Variants in IBTK observed in about 807,000 individuals in gnomAD.
IBTK encodes the protein BTK-binding protein.
IBTK carries 83 observed loss-of-function variants against 154.9 expected under a neutral mutation model. That is an observed-to-expected ratio of 0.54 (90% CI 0.45 to 0.64). The LOEUF (loss-of-function observed/expected upper bound fraction) is 0.64, where lower values mean the gene tolerates loss of function less well. Ranked by LOEUF, IBTK falls within the 30% of genes least tolerant of loss-of-function variation. IBTK has a pLI of 0.00. For missense variants in IBTK, 1,332 were observed against 1,584.6 expected (o/e 0.84, Z 2.71); for synonymous variants, 515 against 536.1 (o/e 0.96, Z 0.54).
In IBTK at chr6:82,243,873, T is replaced by C. The variant is rs192767488; in HGVS notation, c.-357-3030A>G. 5.3e-5 allele frequency among the ~76,000 whole-genome samples: 8 copies of C among 152,262 alleles called. No homozygotes were observed. In the East Asian group the frequency reaches 1.5e-3, roughly 29 times the overall value. Reference sequence around the variant, plus strand: ...AGAAAAGAATTCCCTAATTCATTAGTATATATAATGTAAACATTTAAAGGG... The same window carrying C: ...AGAAAAGAATTCCCTAATTCATTAGCATATATAATGTAAACATTTAAAGGG... On this transcript the variant is annotated intron_variant, in intron 1 of 28. Coordinates refer to ENST00000306270, the MANE Select transcript of IBTK (RefSeq NM_015525.4).
chr6:82,239,302 G>A (rs1383573205), intron 2 of IBTK, among the ~76,000 whole-genome samples: 1 of 151,670 alleles, frequency 6.6e-6, no homozygotes, highest in African/African-American at 2.4e-5. Context: ...AATTAGCCAG[G>A]CGTGGTGGTG....
chr6:82,194,780 A>G (rs1768918563), intron 22 of IBTK, 138 bp from the exon 23 acceptor site: 1 of 550,486 alleles, frequency 1.8e-6, no homozygotes, highest in Non-Finnish European at 2.8e-6. Context: ...GTATTTTCAA[A>G]TCATGTTCTT....
rs1036010052 is a variant in IBTK, at chr6:82,245,143, A to G, written c.-358+2419T>C. On this transcript the variant is annotated intron_variant, in intron 1 of 28. Transcript: ENST00000306270. ...TTTTATTTAGGCAAGTAACTAAAACATATCATAATTATAAACCTATGGTCA... is the reference window on the plus strand; with the variant it reads ...TTTTATTTAGGCAAGTAACTAAAACGTATCATAATTATAAACCTATGGTCA... Among the ~76,000 whole-genome samples the G allele has an allele frequency of 4.6e-5, 7 of 152,222 alleles. No homozygotes were observed. In the South Asian group the frequency reaches 6.2e-4, roughly 14 times the overall value.
In IBTK at chr6:82,240,603, G is replaced by T; in HGVS notation, c.-117C>A. The T allele has an allele frequency of 2.4e-6, 2 of 825,918 alleles. No individual in the cohort carries two copies. The highest frequency in any genetic ancestry group is 1.8e-5 in the South Asian group (1 of 55,874). 51.2% of individuals were successfully genotyped at this position (825,918 alleles called of 1,614,324 possible). A position where few individuals can be genotyped will look rare whatever the true frequency, so the allele number is the denominator to read the frequency against. ...TACAGAGAATAAATTACCTTTTTAG[G>T]ATAATTTAAATCCTCCTGACAATAG... On this transcript the variant is annotated 5_prime_UTR_variant, in exon 2 of 29. Coordinates refer to ENST00000306270, the MANE Select transcript of IBTK (RefSeq NM_015525.4).
intron 8 of IBTK, among the ~76,000 whole-genome samples, chr6:82,221,447 A>C (rs1770098858): frequency 6.6e-6 from 1 of 152,258 alleles, no homozygotes; most frequent in Admixed American, 6.5e-5. Flanking sequence ...AATTTAAAAA[A>C]TGGCTAATCC....
chr6:82,191,534 C>T (rs1416536809), intron 24 of IBTK: 2 of 580,708 alleles, frequency 3.4e-6, no homozygotes, highest in Non-Finnish European at 6.1e-6. Flanking sequence ...AGCCAATAGT[C>T]CACAATGATC....
At chr6:82,234,020 C>T (rs1029473431) in intron 3 of IBTK, 139 bp downstream of exon 3, 5 of 403,064 alleles carry the variant, frequency 1.2e-5, no homozygotes, top group South Asian at 4.4e-5. Flanking sequence ...TGAGCCGCAG[C>T]GCCCAGCCCA....
intron 2 of IBTK, 143 bp from the exon 3 acceptor site, chr6:82,234,398 G>T: frequency 4.3e-6 from 1 of 231,264 alleles, no homozygotes; most frequent in Non-Finnish European, 7.9e-6. Flanking sequence ...TGATGCAATG[G>T]CGCAATCTTG....
chr6:82,174,114 T>C (rs903346902), intron 26 of IBTK, among the ~76,000 whole-genome samples: 2 of 152,208 alleles, frequency 1.3e-5, no homozygotes, highest in East Asian at 1.9e-4. Flanking sequence ...TTATCTAGAT[T>C]GCTCCAATGC....
intron 26 of IBTK, among the ~76,000 whole-genome samples, chr6:82,174,161 G>T (rs528802180): frequency 6.6e-6 from 1 of 152,124 alleles, no homozygotes; most frequent in South Asian, 2.1e-4. Flanking sequence ...GACTAGACAG[G>T]TTTAACAACA....
rs934891230 is a variant in IBTK, at chr6:82,200,229, T to C, written c.2937A>G (p.Lys979=). 4.3e-6 allele frequency: 7 copies of C among 1,613,454 alleles called. No individual in the cohort carries two copies. The highest frequency in any genetic ancestry group is 5.9e-6 in the Non-Finnish European group (7 of 1,179,632). The change falls in exon 21 of 29, where the codon AAA becomes AAG. Residue 979 remains lysine (K), a synonymous_variant. Transcript: ENST00000306270. ...TACGTGGCTTCTTTTTAGCTTTTGT[T>C]TTTGCTTTCTTGAACATAGTTTCCC... ...NHSETMFKKA[K]TKAKKKPRKR... is the part of the protein sequence containing the mutation.
At chr6:82,245,198 G>T (rs924804139) in intron 1 of IBTK, among the ~76,000 whole-genome samples, 1 of 152,116 alleles carries the variant, frequency 6.6e-6, no homozygotes, top group Admixed American at 6.6e-5. Context: ...TAGGAACGGG[G>T]AGTGCAGAAG....
At chr6:82,200,074 C>T in intron 21 of IBTK, 67 bp downstream of exon 21, 1 of 962,706 alleles carries the variant, frequency 1.0e-6, no homozygotes, top group Non-Finnish European at 1.6e-6. Flanking sequence ...GTAGCCCCAG[C>T]AGATGACATA....
rs1769630114 is a variant in IBTK at position 82,211,376 on chromosome 6, T to C, written c.2403A>G (p.Ser801=). 1 of 1,604,318 alleles carries C rather than the reference T, an allele frequency of 6.2e-7. No homozygotes were observed. Among genetic ancestry groups the C allele is most frequent in the African/African-American group, 1.3e-5 (1 of 74,264 alleles). The change falls in exon 15 of 29, where the codon TCA becomes TCG. Residue 801 remains serine, a synonymous_variant. Coordinates refer to ENST00000306270, the MANE Select transcript of IBTK (RefSeq NM_015525.4). ...TTTACTTAAATCTTACCTCAATCCA[T>C]GAGCTACTCAGCATACTATGAAAAT... ...LEYFHSMLSS[S]WIEASSCAAL...
chr6:82,237,175 G>A (rs892312307), intron 2 of IBTK, among the ~76,000 whole-genome samples: 1 of 152,048 alleles, frequency 6.6e-6, no homozygotes, highest in African/African-American at 2.4e-5. Context: ...CCCCTAGGAT[G>A]GCAGGAAACC....
chr6:82,219,347 A>G (rs1769986761), intron 9 of IBTK, among the ~76,000 whole-genome samples: 1 of 152,170 alleles, frequency 6.6e-6, no homozygotes, highest in Non-Finnish European at 1.5e-5. Context: ...GCCTATAATG[A>G]CCCAGTATGT....
intron 26 of IBTK, among the ~76,000 whole-genome samples, chr6:82,180,601 A>C (rs1032851480): frequency 4.6e-5 from 7 of 152,192 alleles, no homozygotes; most frequent in African/African-American, 1.7e-4. Context: ...GTATTAGACA[A>C]GTTAGGGAGA....
rs1275056442 is a variant in IBTK at position 82,170,243 on chromosome 6, TG to T, written c.*1181del. ...AAATGTCAAGCACACATTAGTGAAA[TG>T]GATCAAGATCATTTTTTATTGCACA... On this transcript the variant is annotated 3_prime_UTR_variant, in exon 29 of 29. Coordinates refer to ENST00000306270, the MANE Select transcript of IBTK (RefSeq NM_015525.4). 1 of 152,610 alleles carries T rather than the reference TG, an allele frequency of 6.6e-6. No individual in the cohort carries two copies. The highest frequency in any genetic ancestry group is 2.4e-5 in the African/African-American group (1 of 41,458). 9.5% of individuals were successfully genotyped at this position (152,610 alleles called of 1,614,324 possible). A position where few individuals can be genotyped will look rare whatever the true frequency, so the allele number is the denominator to read the frequency against.
At chr6:82,223,697 G>T in intron 7 of IBTK, 77 bp from the exon 8 acceptor site, 1 of 1,266,112 alleles carries the variant, frequency 7.9e-7, no homozygotes, top group Non-Finnish European at 1.1e-6. Context: ...AGTGTCTCAT[G>T]CCTATAATCC....
Sources: gnomAD v4.1 joint callset for allele counts (sites outside exome capture counted in the v4.1 genomes callset) on GRCh38, gnomAD v4.1.1 for gene constraint, MANE v1.5 for transcripts, NCBI Gene and HGNC (gene_info 2026-07-23, HGNC 2026-07-21) for gene names.